Variants in XKR4 observed in about 807,000 individuals in gnomAD.
XKR4 encodes the protein XK related 4, also known as XK-related protein 4.
XKR4 carries 12 observed loss-of-function variants against 53.9 expected under a neutral mutation model. The ratio of observed to expected loss-of-function variants is 0.22; its 90% confidence interval spans 0.14 to 0.36. The LOEUF is 0.36. Ranked by LOEUF, XKR4 falls within the 10% of genes least tolerant of loss-of-function variation. The pLI, the probability that XKR4 is intolerant of heterozygous loss-of-function variation, is 1.00. For missense variants in XKR4, 799 were observed against 859.5 expected (o/e 0.93, Z 0.88); for synonymous variants, 354 against 362.4 (o/e 0.98, Z 0.26).
chr8:55,294,770 G>T (rs1019960976), intron 1 of XKR4, among the ~76,000 whole-genome samples: 7 of 152,098 alleles, frequency 4.6e-5, no homozygotes, highest in Admixed American at 2.0e-4. Flanking sequence ...CACCTGCTTT[G>T]GTTACTTAAT....
intron 2 of XKR4, among the ~76,000 whole-genome samples, chr8:55,437,954 CAAAA>C (rs201207328): frequency 7.8e-6 from 1 of 127,574 alleles, no homozygotes; most frequent in African/African-American, 2.9e-5. Context: ...AACAAACAAA[CAAAA>C]AAAAAAAAGA....
At chr8:55,267,730 C>T in intron 1 of XKR4, among the ~76,000 whole-genome samples, 1 of 152,078 alleles carries the variant, frequency 6.6e-6, no homozygotes, top group South Asian at 2.1e-4. Flanking sequence ...AATAATTTTA[C>T]AATTGACAAA....
Position 55,102,522 on chromosome 8 carries a change from A to G in XKR4, c.34A>G (p.Lys12Glu). 6.5e-7 allele frequency: 1 copy of G among 1,549,244 alleles called. No homozygotes were observed. The highest frequency in any genetic ancestry group is 8.7e-7 in the Non-Finnish European group (1 of 1,143,334). Residue 12 changes from lysine (K) to glutamate (E), a missense_variant, in exon 1 of 3, where the codon AAG becomes GAG. Around this residue, in one of 3 missense-constraint regions of XKR4, gnomAD observed 476 missense variants for 505.4 expected, o/e 0.94. Transcript: ENST00000327381. The surrounding 1 kb of genome is among the most constrained non-coding windows in gnomAD (Gnocchi z 5.1). The part of the protein sequence containing the change: ...AAKSDGRLKM[K>E]KSSDVAFTPL... The stretch of plus-strand genomic sequence containing the variant: ...TAAATCAGACGGGAGGCTGAAAATG[A>G]AGAAAAGCAGCGACGTGGCGTTCAC...
intron 1 of XKR4, among the ~76,000 whole-genome samples, chr8:55,230,714 T>C (rs1398255264): frequency 6.6e-6 from 1 of 152,134 alleles, no homozygotes; most frequent in Non-Finnish European, 1.5e-5. Context: ...AATCTCATAA[T>C]AGAGGAAAAA....
intron 1 of XKR4, chr8:55,135,267 A>C (rs543709351): frequency 5.8e-6 from 1 of 171,224 alleles, no homozygotes; most frequent in South Asian, 1.5e-4. Context: ...TTTCTTTTTT[A>C]TGATAACATA....
intron 2 of XKR4, chr8:55,452,753 G>C: frequency 1.2e-6 from 1 of 858,082 alleles, no homozygotes. Flanking sequence ...CCTCAAAGCC[G>C]CTCCCCGTGT....
At chr8:55,470,612 T>C (rs917696067) in intron 2 of XKR4, among the ~76,000 whole-genome samples, 2 of 152,128 alleles carry the variant, frequency 1.3e-5, no homozygotes, top group Non-Finnish European at 2.9e-5. Flanking sequence ...AACAGACTAA[T>C]ACACAAGATA....
chr8:55,180,531 C>A (rs913419628), intron 1 of XKR4, among the ~76,000 whole-genome samples: 1 of 152,012 alleles, frequency 6.6e-6, no homozygotes, highest in Non-Finnish European at 1.5e-5. Context: ...TACAAAAATA[C>A]GTATTCTTTT....
chr8:55,420,704 GCAGCGCAC>G lies in XKR4; in HGVS notation c.1006+62832_1006+62839del, dbSNP rs1211255456. 1.8e-4 allele frequency among the ~76,000 whole-genome samples: 27 copies of G among 151,976 alleles called. 1 individual carries two copies. The South Asian group carries it at 5.6e-3, about 32-fold the overall frequency. The stretch of plus-strand genomic sequence containing the variant: ...AATGCTAGATGACGAGTTAGTGGGT[GCAGCGCAC>G]CAGCATGGTACATGTATACATATGT... On this transcript the variant is annotated intron_variant, in intron 2 of 2. Coordinates refer to ENST00000327381, the MANE Select transcript of XKR4 (RefSeq NM_052898.2).
intron 1 of XKR4, among the ~76,000 whole-genome samples, chr8:55,220,511 G>T (rs1385161262): frequency 1.3e-5 from 2 of 152,100 alleles, no homozygotes; most frequent in Non-Finnish European, 2.9e-5. Context: ...CACCAACTAG[G>T]CTTCATGACT....
chr8:55,337,440 T>C (rs1190157947), intron 1 of XKR4, among the ~76,000 whole-genome samples: 2 of 152,222 alleles, frequency 1.3e-5, no homozygotes, highest in African/African-American at 4.8e-5. Flanking sequence ...GGGCCATGTT[T>C]CTCAACTAGT....
intron 1 of XKR4, among the ~76,000 whole-genome samples, chr8:55,308,459 A>G (rs946805952): frequency 2.6e-5 from 4 of 152,148 alleles, no homozygotes; most frequent in Non-Finnish European, 5.9e-5. Context: ...AAAAACTTAT[A>G]AAACCATCAG....
intron 1 of XKR4, among the ~76,000 whole-genome samples, chr8:55,305,804 T>C (rs1273698152): frequency 6.6e-6 from 1 of 152,142 alleles, no homozygotes; most frequent in Non-Finnish European, 1.5e-5. Context: ...GAAAAATATA[T>C]GACTTGTATA....
intron 1 of XKR4, among the ~76,000 whole-genome samples, chr8:55,130,857 T>G (rs986230918): frequency 6.6e-6 from 1 of 152,116 alleles, no homozygotes. Context: ...AAGTTTGACC[T>G]CACCTTCTTG....
intron 2 of XKR4, among the ~76,000 whole-genome samples, chr8:55,475,840 A>G (rs1020518156): frequency 6.6e-6 from 1 of 151,868 alleles, no homozygotes; most frequent in Non-Finnish European, 1.5e-5. Context: ...TGACCTTGTG[A>G]TCCACCCTCC....
intron 1 of XKR4, among the ~76,000 whole-genome samples, chr8:55,168,984 A>G (rs1817110511): frequency 1.3e-5 from 2 of 152,200 alleles, no homozygotes; most frequent in Non-Finnish European, 2.9e-5. Flanking sequence ...GTCTTGATGA[A>G]CATTTCAGAA....
intron 1 of XKR4, among the ~76,000 whole-genome samples, chr8:55,127,983 T>A (rs1186511274): frequency 6.6e-6 from 1 of 152,110 alleles, no homozygotes; most frequent in Non-Finnish European, 1.5e-5. Context: ...TCTATTATTG[T>A]TGGACATTTG....
rs2129349973 is a variant in XKR4, at chr8:55,102,405, G to A, written c.-84G>A. ...CCGCACCGCCTGGGAGGGAAGCCGG[G>A]GCGAGGCGAGGAGGTGGCGGGAGGA... On this transcript the variant is annotated 5_prime_UTR_variant, in exon 1 of 3. Transcript: ENST00000327381. This position sits in a 1 kb window ranked among gnomAD's most constrained non-coding sequence, Gnocchi z 5.1. 16 of 1,431,922 alleles carry A rather than the reference G, an allele frequency of 1.1e-5. No homozygotes were observed. In the South Asian group the frequency reaches 1.8e-4, roughly 16 times the overall value. 88.7% of individuals were successfully genotyped at this position (1,431,922 alleles called of 1,614,324 possible).
At chr8:55,489,848 C>G (rs1806247910) in intron 2 of XKR4, among the ~76,000 whole-genome samples, 1 of 152,116 alleles carries the variant, frequency 6.6e-6, no homozygotes, top group Non-Finnish European at 1.5e-5. Context: ...GTATCTTTAA[C>G]TTACCACCAC....
Sources: allele counts gnomAD v4.1 joint callset (sites outside exome capture counted in the v4.1 genomes callset), GRCh38; gene constraint gnomAD v4.1.1; regional missense constraint gnomAD v4.1.1; non-coding constraint Gnocchi (gnomAD v3.1); transcripts MANE v1.5; gene names NCBI Gene and HGNC (gene_info 2026-07-23, HGNC 2026-07-21).